Variants in OPCML observed in about 807,000 individuals in gnomAD.
OPCML encodes opioid-binding protein/cell adhesion molecule.
In OPCML, 13 loss-of-function variants were observed where a neutral mutation model predicts 37.8. The ratio of observed to expected loss-of-function variants is 0.34; its 90% CI spans 0.22 to 0.55. The LOEUF is 0.55. Among genes scored for constraint, OPCML ranks in the 20% least tolerant of loss-of-function variants. The pLI is 0.91. For synonymous variants in OPCML, 176 were observed against 168.8 expected (o/e 1.04, Z -0.33); for missense variants, 341 against 435.6 (o/e 0.78, Z 1.93).
At chr11:132,920,794 A>G (rs964695477) in intron 2 of OPCML, among the ~76,000 whole-genome samples, 2 of 152,130 alleles carry the variant, frequency 1.3e-5, no homozygotes, top group South Asian at 2.1e-4. Flanking sequence ...TAAATAACTG[A>G]CCTCGAAAGA....
intron 1 of OPCML, among the ~76,000 whole-genome samples, chr11:133,196,162 C>A (rs573585270): frequency 1.2e-4 from 19 of 152,332 alleles, no homozygotes; most frequent in African/African-American, 3.6e-4. Flanking sequence ...GGGGGCTTAA[C>A]TAATTCTTCT....
At chr11:133,107,502 C>A (rs1357598086) in intron 1 of OPCML, among the ~76,000 whole-genome samples, 1 of 152,182 alleles carries the variant, frequency 6.6e-6, no homozygotes, top group African/African-American at 2.4e-5. Flanking sequence ...TTTCTGGCCC[C>A]AACCTATTTA....
intron 1 of OPCML, among the ~76,000 whole-genome samples, chr11:133,475,581 C>T (rs754293723): frequency 7.2e-5 from 11 of 152,198 alleles, no homozygotes; most frequent in Non-Finnish European, 1.5e-4. Flanking sequence ...TTAATAGCAT[C>T]TTCACAGAGC....
chr11:132,659,361 A>G (rs1313215226), intron 2 of OPCML, among the ~76,000 whole-genome samples: 1 of 152,182 alleles, frequency 6.6e-6, no homozygotes, highest in African/African-American at 2.4e-5. Flanking sequence ...TTTCCTAAGG[A>G]TAGGTGAATT....
chr11:133,473,310 A>T (rs1454559398), intron 1 of OPCML, among the ~76,000 whole-genome samples: 3 of 152,168 alleles, frequency 2.0e-5, no homozygotes, highest in African/African-American at 7.2e-5. Flanking sequence ...AAAACAAAAC[A>T]CATTGTGTCT....
chr11:133,449,649 CTATCTT>C (rs1156996218), intron 1 of OPCML, among the ~76,000 whole-genome samples: 2 of 148,610 alleles, frequency 1.3e-5, no homozygotes, highest in East Asian at 3.9e-4. Context: ...ACTCCAGTCT[CTATCTT>C]CATCTTCACA....
intron 1 of OPCML, among the ~76,000 whole-genome samples, chr11:133,110,141 G>C (rs1004622677): frequency 6.6e-6 from 1 of 152,134 alleles, no homozygotes; most frequent in Non-Finnish European, 1.5e-5. Flanking sequence ...ACTGTGGTAA[G>C]GTTGAACAAC....
At chr11:133,239,615 A>C (rs1175890693) in intron 1 of OPCML, among the ~76,000 whole-genome samples, 1 of 152,220 alleles carries the variant, frequency 6.6e-6, no homozygotes, top group East Asian at 1.9e-4. Flanking sequence ...CCAAGTGAGA[A>C]AGACCAAAAA....
intron 1 of OPCML, among the ~76,000 whole-genome samples, chr11:133,329,286 C>A (rs1218623363): frequency 1.3e-5 from 2 of 152,124 alleles, no homozygotes; most frequent in Non-Finnish European, 2.9e-5. Flanking sequence ...TCAATGCCAT[C>A]CCCATCAAGC....
chr11:133,347,240 C>T (rs528298599), intron 1 of OPCML, among the ~76,000 whole-genome samples: 5 of 152,344 alleles, frequency 3.3e-5, no homozygotes, highest in South Asian at 4.1e-4. Flanking sequence ...GTTGCTGCTA[C>T]ACCTCTCCAA....
chr11:132,555,816 CTG>C (rs2096394203), intron 3 of OPCML, among the ~76,000 whole-genome samples: 1 of 152,156 alleles, frequency 6.6e-6, no homozygotes, highest in Non-Finnish European at 1.5e-5. Context: ...AACATGAACT[CTG>C]TACCTGTGTG....
chr11:132,769,856 C>A (rs1946579544), intron 2 of OPCML, among the ~76,000 whole-genome samples: 2 of 152,134 alleles, frequency 1.3e-5, no homozygotes, highest in Admixed American at 1.3e-4. Flanking sequence ...AGGTTATAGG[C>A]ATTTACAAGA....
chr11:132,784,395 C>T (rs1947135548), intron 2 of OPCML, among the ~76,000 whole-genome samples: 1 of 152,124 alleles, frequency 6.6e-6, no homozygotes, highest in African/African-American at 2.4e-5. Context: ...CTCCACAGCA[C>T]CAACTTCCAA....
chr11:132,449,258 G>A (rs533035616), intron 4 of OPCML, among the ~76,000 whole-genome samples: 3 of 152,314 alleles, frequency 2.0e-5, no homozygotes, highest in African/African-American at 7.2e-5. Context: ...GTGTCTGAAC[G>A]TAATGTCTTG....
intron 1 of OPCML, among the ~76,000 whole-genome samples, chr11:133,175,433 T>C (rs1014888041): frequency 4.6e-5 from 7 of 151,000 alleles, no homozygotes; most frequent in Middle Eastern, 3.4e-3. Flanking sequence ...AAGATGTTTA[T>C]ACCTTACTTA....
At chr11:132,788,742 C>G (rs776545100) in intron 2 of OPCML, among the ~76,000 whole-genome samples, 1 of 152,286 alleles carries the variant, frequency 6.6e-6, no homozygotes, top group South Asian at 2.1e-4. Flanking sequence ...AATAAAAACA[C>G]AAACCGTTTG....
At chr11:132,864,907 G>T (rs1338939000) in intron 2 of OPCML, among the ~76,000 whole-genome samples, 4 of 152,334 alleles carry the variant, frequency 2.6e-5, no homozygotes, top group South Asian at 2.1e-4. Context: ...TATGCTGAGA[G>T]CCGGAAATGC....
chr11:133,067,223 G>A (rs1948455005), intron 1 of OPCML: 2 of 152,156 alleles, frequency 1.3e-5, no homozygotes, highest in African/African-American at 4.8e-5. Flanking sequence ...TCCAGATGAA[G>A]AAACTGAGGC....
intron 3 of OPCML, among the ~76,000 whole-genome samples, chr11:132,539,974 A>T (rs1448355387): frequency 6.6e-6 from 1 of 152,180 alleles, no homozygotes; most frequent in African/African-American, 2.4e-5. Flanking sequence ...GATGATAATG[A>T]TGATAATGGC....
Sources: allele counts gnomAD v4.1 joint callset (sites outside exome capture counted in the v4.1 genomes callset), GRCh38; gene constraint gnomAD v4.1.1; transcripts MANE v1.5; gene names NCBI Gene and HGNC (gene_info 2026-07-23, HGNC 2026-07-21).